The following AMMECR1 variants were observed in gnomAD, a reference collection of about 807,000 sequenced individuals.
The protein encoded by AMMECR1 is nuclear protein AMMECR1.
Under a neutral mutation model 22.5 loss-of-function variants are expected in AMMECR1, and 3 were observed. That is an observed-to-expected ratio of 0.13 (90% CI 0.06 to 0.35). The LOEUF (loss-of-function observed/expected upper bound fraction) is 0.35, where lower values mean the gene tolerates loss of function less well. Ranked by LOEUF, AMMECR1 falls within the 10% of genes least tolerant of loss-of-function variation. The pLI is 1.00. For synonymous variants in AMMECR1, 130 were observed against 116.7 expected, an observed-to-expected ratio of 1.11 and a Z score of -0.74; for missense variants, 235 against 278.7, an observed-to-expected ratio of 0.84 and a Z score of 1.12.
intron 2 of AMMECR1, among the ~76,000 whole-genome samples, chrX:110,410,371 T>C (rs2068633895): frequency 8.9e-6 from 1 of 111,915 alleles, no homozygotes; most frequent in Non-Finnish European, 1.9e-5. Context: ...AGTTTGGAAG[T>C]GAATCAACAA....
At position 110,204,873 on chromosome X, in the gene AMMECR1, A is replaced by T. The variant is rs1345868230; in HGVS notation, c.700-2337T>A. On this transcript the variant is annotated intron_variant, in intron 3 of 5. Coordinates refer to ENST00000262844, the MANE Select transcript of AMMECR1 (RefSeq NM_015365.3). The stretch of plus-strand genomic sequence containing the variant: ...TGAGAAGGTCCTACCATCAAATTTG[A>T]TAAGAAAAAAACCCCAAATTCTCCA... 2.7e-5 allele frequency among the ~76,000 whole-genome samples: 3 copies of T among 111,712 alleles called. No homozygotes were observed. The South Asian group carries it at 1.1e-3, about 42-fold the overall frequency.
chrX:110,308,964 T>C (rs957921554), intron 1 of AMMECR1, among the ~76,000 whole-genome samples: 7 of 111,732 alleles, frequency 6.3e-5, no homozygotes, highest in Non-Finnish European at 9.4e-5. Flanking sequence ...CACCCGTCAA[T>C]CTAAACACTT....
At chrX:110,219,423 T>G in intron 2 of AMMECR1, 1 of 753,030 alleles carries the variant, frequency 1.3e-6, no homozygotes, top group Non-Finnish European at 1.6e-6. Flanking sequence ...AGTTAATTTC[T>G]CAATACTTTG....
At chrX:110,394,758 C>T (rs2068517761) in intron 2 of AMMECR1, among the ~76,000 whole-genome samples, 2 of 112,514 alleles carry the variant, frequency 1.8e-5, no homozygotes, top group Non-Finnish European at 3.8e-5. Flanking sequence ...ACTCACTTAA[C>T]CTCTCCGTGC....
chrX:110,382,853 C>CG (rs1174418952), intron 2 of AMMECR1, among the ~76,000 whole-genome samples: 1 of 111,895 alleles, frequency 8.9e-6, no homozygotes, highest in Non-Finnish European at 1.9e-5. Context: ...GCCTCTAATT[C>CG]GTTTCTTCCT....
intron 2 of AMMECR1, among the ~76,000 whole-genome samples, chrX:110,242,010 C>A (rs748639635): frequency 4.5e-5 from 5 of 111,516 alleles, no homozygotes; most frequent in Non-Finnish European, 7.5e-5. Context: ...CAGCTCTCCA[C>A]AACCACTCCC....
In AMMECR1 at chrX:110,346,698, T is replaced by C. The variant is rs12115957; in HGVS notation, c.-147-28849A>G. On this transcript the variant is annotated intron_variant, in intron 2 of 7. Coordinates refer to the AMMECR1 transcript ENST00000372057. Reference sequence around the variant, plus strand: ...GTTTGGGAAACCTTTGAAAGATTCATTGTACTACAAAAAGGAACAGACTTT... The same window carrying C: ...GTTTGGGAAACCTTTGAAAGATTCACTGTACTACAAAAAGGAACAGACTTT... The C allele has an allele frequency of 3.3e-4, 245 of 744,121 alleles. No individual in the cohort carries two copies. In the African/African-American group the frequency reaches 4.6e-3, roughly 14 times the overall value. The allele number at this position is 744,121 out of a possible 1,213,427, so 61.3% of individuals were successfully genotyped here.
intron 2 of AMMECR1, among the ~76,000 whole-genome samples, chrX:110,373,539 A>G (rs1196812378): frequency 8.9e-6 from 1 of 112,256 alleles, no homozygotes; most frequent in Non-Finnish European, 1.9e-5. Context: ...GCTCACATGC[A>G]AAAAAATGAT....
intron 2 of AMMECR1, among the ~76,000 whole-genome samples, chrX:110,342,139 G>T (rs1014719061): frequency 4.5e-5 from 5 of 110,841 alleles, no homozygotes; most frequent in African/African-American, 1.6e-4. Flanking sequence ...AAAGTATATT[G>T]CTATAATTGT....
At position 110,357,189 on chromosome X, in the gene AMMECR1, A is replaced by AT. The variant is rs1353285667; in HGVS notation, c.-147-39341dup. The stretch of plus-strand genomic sequence containing the variant: ...AAGATTTAAATGAAAATTTAATAAC[A>AT]TTTTTAGATAAATACATGGGAAAAT... On this transcript the variant is annotated intron_variant, in intron 2 of 7. Transcript: ENST00000372057. Among the ~76,000 whole-genome samples the AT allele has an allele frequency of 2.7e-5, 3 of 111,893 alleles. No individual in the cohort carries two copies. The South Asian group carries it at 1.1e-3, about 42-fold the overall frequency.
intron 1 of AMMECR1, among the ~76,000 whole-genome samples, chrX:110,286,962 T>C (rs1314685650): frequency 6.3e-5 from 7 of 111,804 alleles, no homozygotes; most frequent in Non-Finnish European, 9.4e-5. Context: ...TGAGCTCCAA[T>C]AGACAACTAA....
intron 1 of AMMECR1, among the ~76,000 whole-genome samples, chrX:110,283,654 C>A (rs1393084211): frequency 3.6e-5 from 4 of 111,364 alleles, no homozygotes; most frequent in Admixed American, 9.6e-5. Flanking sequence ...TCATGAGGGC[C>A]CCACCTTTGT....
chrX:110,313,814 G>A (rs2068035372), intron 1 of AMMECR1, among the ~76,000 whole-genome samples: 1 of 111,669 alleles, frequency 9.0e-6, no homozygotes, highest in Non-Finnish European at 1.9e-5. Context: ...CTGGGTGCTA[G>A]GTTAGAATGA....
chrX:110,298,924 G>A (rs1365886228), intron 1 of AMMECR1, among the ~76,000 whole-genome samples: 1 of 111,659 alleles, frequency 9.0e-6, no homozygotes, highest in Non-Finnish European at 1.9e-5. Flanking sequence ...CAGACTCCAT[G>A]GACATACAAT....
intron 2 of AMMECR1, chrX:110,224,893 C>T: frequency 3.2e-6 from 1 of 307,964 alleles, no homozygotes; most frequent in South Asian, 3.1e-5. Flanking sequence ...ATTCCATAGG[C>T]AGCAACTGCT....
At chrX:110,294,572 C>T (rs1177065052) in intron 1 of AMMECR1, among the ~76,000 whole-genome samples, 4 of 111,620 alleles carry the variant, frequency 3.6e-5, no homozygotes, top group East Asian at 2.8e-4. Context: ...GTTCAAGATG[C>T]GTTAAAACCT....
At chrX:110,287,419 A>G (rs1399987385) in intron 1 of AMMECR1, among the ~76,000 whole-genome samples, 2 of 111,969 alleles carry the variant, frequency 1.8e-5, no homozygotes, top group Non-Finnish European at 3.8e-5. Context: ...TGTAGGGAGG[A>G]CATCTATTAG....
intron 1 of AMMECR1, among the ~76,000 whole-genome samples, chrX:110,432,660 T>C (rs2068806584): frequency 9.0e-6 from 1 of 111,531 alleles, no homozygotes; most frequent in Non-Finnish European, 1.9e-5. Flanking sequence ...AAAGACAGAG[T>C]GTTCCACAGG....
intron 1 of AMMECR1, among the ~76,000 whole-genome samples, chrX:110,437,613 C>A (rs2068848359): frequency 1.8e-5 from 2 of 111,955 alleles, no homozygotes; most frequent in Admixed American, 9.4e-5. Flanking sequence ...GGCAACTCCT[C>A]TTCATACCTT....
Sources: gnomAD v4.1 joint callset for allele counts (sites outside exome capture counted in the v4.1 genomes callset) on GRCh38, gnomAD v4.1.1 for gene constraint, MANE v1.5 for transcripts, NCBI Gene and HGNC (gene_info 2026-07-23, HGNC 2026-07-21) for gene names.